The following PALLD variants were observed in gnomAD, a reference collection of about 807,000 sequenced individuals.
PALLD encodes palladin, cytoskeletal associated protein, also known as palladin.
In PALLD, 61 loss-of-function variants were observed where a neutral mutation model predicts 123.5. The observed-to-expected ratio is 0.49, with a 90% CI of 0.40 to 0.61. The LOEUF (loss-of-function observed/expected upper bound fraction) is 0.61. Among genes scored for constraint, PALLD ranks in the 20% least tolerant of loss-of-function variants. The pLI, the probability that PALLD is intolerant of heterozygous loss-of-function variation, is 0.00. For synonymous variants in PALLD, 465 were observed against 496.4 expected (o/e 0.94, Z 0.84); for missense variants, 1,273 against 1,377.0 (o/e 0.92, Z 1.20).
chr4:168,796,480 T>C (rs1295126935), intron 10 of PALLD, among the ~76,000 whole-genome samples: 1 of 152,220 alleles, frequency 6.6e-6, no homozygotes, highest in Non-Finnish European at 1.5e-5. Context: ...ATTTGCACGA[T>C]TGGCAGTTAT....
chr4:168,537,597 C>G (rs941165424), intron 2 of PALLD: 1 of 152,160 alleles, frequency 6.6e-6, no homozygotes, highest in African/African-American at 2.4e-5. Context: ...TTGAATCATA[C>G]TTACACTACT....
At chr4:168,714,883 T>C (rs997847685) in intron 10 of PALLD, among the ~76,000 whole-genome samples, 56 of 152,058 alleles carry the variant, frequency 3.7e-4, no homozygotes, top group Non-Finnish European at 6.2e-4. Flanking sequence ...GCATTTTTTT[T>C]CTCTCTTGAA....
intron 10 of PALLD, among the ~76,000 whole-genome samples, chr4:168,855,077 A>G (rs1159757592): frequency 6.8e-6 from 1 of 147,854 alleles, no homozygotes; most frequent in Non-Finnish European, 1.5e-5. Context: ...GATAATGCTG[A>G]GAAGGAATGT....
intron 2 of PALLD, among the ~76,000 whole-genome samples, chr4:168,590,713 G>A (rs72982746): frequency 0.099 from 15,064 of 152,030 alleles, 810 homozygotes; most frequent in Admixed American, 0.13. Flanking sequence ...GGAGATGTCC[G>A]TGGCACACAG....
intron 2 of PALLD, among the ~76,000 whole-genome samples, chr4:168,645,846 C>G (rs576774756): frequency 6.6e-5 from 10 of 152,122 alleles, no homozygotes; most frequent in African/African-American, 1.9e-4. Context: ...TGACCTTGGC[C>G]CCATTAGCAC....
intron 2 of PALLD, among the ~76,000 whole-genome samples, chr4:168,592,670 T>C (rs1771553874): frequency 6.6e-6 from 1 of 152,128 alleles, no homozygotes; most frequent in African/African-American, 2.4e-5. Context: ...TAACTCTTCT[T>C]CTGTTATGGT....
intron 10 of PALLD, among the ~76,000 whole-genome samples, chr4:168,831,141 G>C (rs1253974214): frequency 6.6e-6 from 1 of 152,234 alleles, no homozygotes; most frequent in African/African-American, 2.4e-5. Flanking sequence ...TATACACAGA[G>C]CCAGGGGTGT....
intron 2 of PALLD, among the ~76,000 whole-genome samples, chr4:168,538,904 G>A (rs931154012): frequency 6.6e-6 from 1 of 152,154 alleles, no homozygotes; most frequent in African/African-American, 2.4e-5. Context: ...AAACACATAT[G>A]TTCCAAGTTT....
At chr4:168,670,307 CAACTT>C (rs1475866454) in intron 3 of PALLD, among the ~76,000 whole-genome samples, 8 of 152,186 alleles carry the variant, frequency 5.3e-5, no homozygotes, top group African/African-American at 1.2e-4. Context: ...AAAAGCCTGT[CAACTT>C]AATTTAACCA....
Position 168,516,600 on chromosome 4 carries a change from T to C in PALLD, c.908+4188T>C, listed in dbSNP as rs1986812. 5.5e-3 allele frequency among the ~76,000 whole-genome samples: 835 copies of C among 152,250 alleles called. 4 individuals are homozygous for C. The highest frequency in any genetic ancestry group is 0.019 in the African/African-American group (790 of 41,562). On this transcript the variant is annotated intron_variant, in intron 2 of 21. Coordinates refer to ENST00000505667, the MANE Select transcript of PALLD (RefSeq NM_001166108.2). The stretch of plus-strand genomic sequence containing the variant: ...AACTGTGAAATGATGTGCCTAGTAA[T>C]ACAAAAATCATTCATTAGTCATGGA...
At chr4:168,894,447 G>C (rs1754684871) in intron 11 of PALLD, 132 bp from the exon 12 acceptor site, 2 of 701,144 alleles carry the variant, frequency 2.9e-6, no homozygotes, top group African/African-American at 1.8e-5. Flanking sequence ...GAAATATGCA[G>C]GTATCTGAAG....
intron 2 of PALLD, among the ~76,000 whole-genome samples, chr4:168,577,216 G>T (rs1769710069): frequency 6.6e-6 from 1 of 152,116 alleles, no homozygotes; most frequent in South Asian, 2.1e-4. Flanking sequence ...AACACAGTTT[G>T]AATGCTCAGC....
intron 10 of PALLD, among the ~76,000 whole-genome samples, chr4:168,766,912 G>A (rs1475096960): frequency 6.6e-6 from 1 of 152,094 alleles, no homozygotes; most frequent in Non-Finnish European, 1.5e-5. Context: ...CATTGGTGTG[G>A]CAGCTCATCA....
chr4:168,800,144 A>G (rs1468512254), intron 10 of PALLD, among the ~76,000 whole-genome samples: 1 of 152,220 alleles, frequency 6.6e-6, no homozygotes, highest in Non-Finnish European at 1.5e-5. Flanking sequence ...AATACTTGCT[A>G]ACTTTTATGC....
chr4:168,508,106 C>T (rs1011624797), intron 1 of PALLD, among the ~76,000 whole-genome samples: 4 of 152,126 alleles, frequency 2.6e-5, no homozygotes, highest in Non-Finnish European at 5.9e-5. Context: ...CTAACAATAA[C>T]ATACTCTATA....
chr4:168,640,715 A>G (rs547219301), intron 2 of PALLD, among the ~76,000 whole-genome samples: 2 of 152,390 alleles, frequency 1.3e-5, no homozygotes, highest in South Asian at 4.1e-4. Context: ...CATTAGCGTA[A>G]GCTACACTTA....
chr4:168,801,754 C>T (rs763565082), intron 10 of PALLD, among the ~76,000 whole-genome samples: 6 of 152,280 alleles, frequency 3.9e-5, no homozygotes, highest in Admixed American at 3.3e-4. Flanking sequence ...ATTAACACCC[C>T]GTCGTGCTTG....
chr4:168,759,564 G>T (rs1221928064), intron 10 of PALLD, among the ~76,000 whole-genome samples: 1 of 151,922 alleles, frequency 6.6e-6, no homozygotes, highest in African/African-American at 2.4e-5. Flanking sequence ...TCCTTTCTTT[G>T]TTCCTTTGGG....
intron 2 of PALLD, among the ~76,000 whole-genome samples, chr4:168,515,246 T>G (rs150903247): frequency 6.6e-6 from 1 of 152,190 alleles, no homozygotes; most frequent in Admixed American, 6.5e-5. Flanking sequence ...TTTGACCACA[T>G]GAGACATATG....
Sources: gnomAD v4.1 joint callset for allele counts (sites outside exome capture counted in the v4.1 genomes callset) on GRCh38, gnomAD v4.1.1 for gene constraint, MANE v1.5 for transcripts, NCBI Gene and HGNC (gene_info 2026-07-23, HGNC 2026-07-21) for gene names.